Variants in TENM3 observed in about 807,000 individuals in gnomAD.
The protein encoded by TENM3 is teneurin transmembrane protein 3, also known as teneurin-3.
In TENM3, 63 loss-of-function variants were observed where a neutral mutation model predicts 255.1. The observed-to-expected ratio is 0.25, with a 90% CI of 0.20 to 0.30. The LOEUF (loss-of-function observed/expected upper bound fraction) is 0.30, where lower values mean the gene tolerates loss of function less well. Among genes scored for constraint, TENM3 ranks in the 10% least tolerant of loss-of-function variants. TENM3 has a pLI of 1.00. For missense variants in TENM3, 2,929 were observed against 3,461.1 expected (o/e 0.85, Z 3.86); for synonymous variants, 1,306 against 1,322.3 (o/e 0.99, Z 0.27).
the TENM3 span, among the ~76,000 whole-genome samples, chr4:181,763,282 A>G: frequency 1.3e-5 from 2 of 152,048 alleles, no homozygotes; most frequent in African/African-American, 4.8e-5. Context: ...TCTAGTGTTC[A>G]CTCCAGTTAT....
In TENM3 at chr4:182,754,347, A is replaced by T. The variant is rs1762574226; in HGVS notation, c.4018-38A>T. ...TCTTCTGGCGAATTAACTGTAGTGC[A>T]GTAACTTACTAACCAGGCCATTTCT... is the stretch of plus-strand genomic sequence containing the variant. On this transcript the variant is annotated intron_variant, in intron 21 of 27. Transcript: ENST00000511685. The surrounding 1 kb of genome is among the most constrained non-coding windows in gnomAD (Gnocchi z 5.1). The T allele has an allele frequency of 1.3e-6, 2 of 1,522,862 alleles. No individual in the cohort carries two copies. The highest frequency in any genetic ancestry group is 2.6e-5 in the South Asian group (2 of 77,064). The allele number at this position is 1,522,862 out of a possible 1,614,324, so 94.3% of individuals were successfully genotyped here.
chr4:182,052,716 C>T, the TENM3 span, among the ~76,000 whole-genome samples: 7 of 152,242 alleles, frequency 4.6e-5, no homozygotes, highest in African/African-American at 1.7e-4. Flanking sequence ...CACAGGATCA[C>T]AGCAGATGGG....
intron 1 of TENM3, among the ~76,000 whole-genome samples, chr4:182,183,664 G>T (rs748860668): frequency 6.6e-6 from 1 of 151,852 alleles, no homozygotes; most frequent in Non-Finnish European, 1.5e-5. Flanking sequence ...TTTTTACTGC[G>T]TCCTCAACCA....
chr4:182,273,211 C>T (rs562927089), intron 1 of TENM3, among the ~76,000 whole-genome samples: 1 of 152,336 alleles, frequency 6.6e-6, no homozygotes, highest in South Asian at 2.1e-4. Flanking sequence ...AGTCGATCCC[C>T]CGACAGCCCT....
chr4:181,543,433 C>A, the TENM3 span, among the ~76,000 whole-genome samples: 1 of 152,154 alleles, frequency 6.6e-6, no homozygotes, highest in Middle Eastern at 3.2e-3. Flanking sequence ...TAAGAATTGT[C>A]TGAGCAACTT....
chr4:182,311,571 G>T (rs2150418949), intron 1 of TENM3, among the ~76,000 whole-genome samples: 1 of 152,290 alleles, frequency 6.6e-6, no homozygotes, highest in East Asian at 1.9e-4. Context: ...CCTTGGATGG[G>T]CCAGTGAATC....
chr4:181,730,239 C>A, the TENM3 span, among the ~76,000 whole-genome samples: 1 of 152,162 alleles, frequency 6.6e-6, no homozygotes, highest in Admixed American at 6.6e-5. Flanking sequence ...AATGAGATGG[C>A]ACTTGGCTCT....
chr4:182,587,050 A>G (rs1198517817), intron 3 of TENM3, among the ~76,000 whole-genome samples: 2 of 152,088 alleles, frequency 1.3e-5, no homozygotes, highest in Non-Finnish European at 2.9e-5. Flanking sequence ...AAAATGTATT[A>G]TAATTGTCTT....
chr4:181,715,575 A>G, the TENM3 span, among the ~76,000 whole-genome samples: 7 of 152,228 alleles, frequency 4.6e-5, no homozygotes, highest in Admixed American at 1.3e-4. Context: ...CCCAAACAAC[A>G]AAGTAACTAC....
the TENM3 span, among the ~76,000 whole-genome samples, chr4:181,956,818 T>C: frequency 2.0e-5 from 3 of 152,208 alleles, no homozygotes; most frequent in Non-Finnish European, 4.4e-5. Flanking sequence ...AGATGTGTTA[T>C]ATTTATCTGG....
chr4:182,439,916 T>C (rs1162684077), intron 3 of TENM3, among the ~76,000 whole-genome samples: 1 of 152,134 alleles, frequency 6.6e-6, no homozygotes, highest in Non-Finnish European at 1.5e-5. Context: ...TGTCTCCCCA[T>C]TGGGTGAACT....
the TENM3 span, among the ~76,000 whole-genome samples, chr4:181,780,178 T>C: frequency 6.6e-6 from 1 of 152,318 alleles, no homozygotes; most frequent in South Asian, 2.1e-4. Flanking sequence ...GGTCAAATGG[T>C]ATTTCTAGTT....
At chr4:182,595,629 TAAAGG>T (rs930204059) in intron 3 of TENM3, among the ~76,000 whole-genome samples, 1 of 152,162 alleles carries the variant, frequency 6.6e-6, no homozygotes, top group African/African-American at 2.4e-5. Context: ...GGGACCTTGA[TAAAGG>T]AAAGGCACGT....
At chr4:181,657,032 T>G in the TENM3 span, among the ~76,000 whole-genome samples, 2 of 152,370 alleles carry the variant, frequency 1.3e-5, no homozygotes, top group South Asian at 4.1e-4. Flanking sequence ...GGGATTCAGA[T>G]GCAGGCAATC....
chr4:181,981,600 C>T, the TENM3 span, among the ~76,000 whole-genome samples: 2 of 152,100 alleles, frequency 1.3e-5, no homozygotes, highest in African/African-American at 4.8e-5. Context: ...GAAAGTATTA[C>T]ATCACTTTCA....
intron 3 of TENM3, among the ~76,000 whole-genome samples, chr4:182,524,466 A>G (rs1211691340): frequency 1.4e-5 from 2 of 145,316 alleles, no homozygotes; most frequent in East Asian, 2.1e-4. Flanking sequence ...GGCTCAAGCA[A>G]TCTTTCTCAA....
chr4:182,154,073 A>T (rs1045862917), intron 1 of TENM3, among the ~76,000 whole-genome samples: 1 of 151,964 alleles, frequency 6.6e-6, no homozygotes, highest in African/African-American at 2.4e-5. Flanking sequence ...CTTAATTTTA[A>T]GTCTGGAACA....
chr4:181,544,539 G>A, the TENM3 span, among the ~76,000 whole-genome samples: 11 of 149,906 alleles, frequency 7.3e-5, no homozygotes, highest in South Asian at 2.1e-4. Flanking sequence ...TACCCCTGCC[G>A]CCCACTTCTG....
intron 6 of TENM3, among the ~76,000 whole-genome samples, chr4:182,667,808 G>A (rs1159986000): frequency 2.0e-5 from 3 of 151,804 alleles, no homozygotes; most frequent in African/African-American, 7.3e-5. Context: ...ATGGGGTGGG[G>A]GGAGTGGGGA....
Sources: allele counts gnomAD v4.1 joint callset (sites outside exome capture counted in the v4.1 genomes callset), GRCh38; gene constraint gnomAD v4.1.1; non-coding constraint Gnocchi (gnomAD v3.1); transcripts MANE v1.5; gene names NCBI Gene and HGNC (gene_info 2026-07-23, HGNC 2026-07-21).